The following RCL1 variants were observed in gnomAD, a reference collection of about 807,000 sequenced individuals.
RCL1 encodes RNA 3'-terminal phosphate cyclase-like protein.
A neutral mutation model predicts 42.4 loss-of-function variants in RCL1; 24 were observed. The observed-to-expected ratio is 0.57, with a 90% CI of 0.41 to 0.80. The LOEUF (loss-of-function observed/expected upper bound fraction) is 0.80. Ranked by LOEUF, RCL1 falls within the 30% of genes least tolerant of loss-of-function variation. RCL1 has a pLI of 0.00. For synonymous variants in RCL1, 228 were observed against 177.3 expected (o/e 1.29, Z -2.27); for missense variants, 578 against 467.9 (o/e 1.24, Z -2.17).
chr9:4,853,680 C>G (rs1001496916), intron 8 of RCL1, among the ~76,000 whole-genome samples: 6 of 152,192 alleles, frequency 3.9e-5, no homozygotes, highest in African/African-American at 1.4e-4. Context: ...ACTCCAAGCA[C>G]CTTGCCTGAG....
At chr9:4,833,125 A>G (rs1563846093) in intron 3 of RCL1, 29 bp from the exon 4 acceptor site, 1 of 1,536,272 alleles carries the variant, frequency 6.5e-7, no homozygotes, top group Non-Finnish European at 9.0e-7. Context: ...GGCTTAATTA[A>G]ACTTTTCTTT....
At chr9:4,821,932 G>T (rs1816609548) in intron 1 of RCL1, among the ~76,000 whole-genome samples, 1 of 152,174 alleles carries the variant, frequency 6.6e-6, no homozygotes, top group South Asian at 2.1e-4. Context: ...TGACAACTCA[G>T]TTTCAACATG....
At chr9:4,823,940 C>T (rs1055295757) in intron 2 of RCL1, among the ~76,000 whole-genome samples, 3 of 152,026 alleles carry the variant, frequency 2.0e-5, no homozygotes, top group Non-Finnish European at 4.4e-5. Flanking sequence ...GATGGAAAGA[C>T]CCAGTTACCT....
intron 3 of RCL1, among the ~76,000 whole-genome samples, chr9:4,830,238 C>G (rs915364185): frequency 6.6e-6 from 1 of 152,078 alleles, no homozygotes; most frequent in African/African-American, 2.4e-5. Flanking sequence ...CGAGTAGGAA[C>G]TAGAGCTATT....
intron 1 of RCL1, among the ~76,000 whole-genome samples, chr9:4,809,523 C>T (rs371894227): frequency 6.6e-5 from 10 of 151,878 alleles, no homozygotes; most frequent in Admixed American, 1.3e-4. Flanking sequence ...TTGGCCAGGC[C>T]GGTCTCGATC....
intron 8 of RCL1, among the ~76,000 whole-genome samples, chr9:4,852,648 A>C (rs1027551740): frequency 3.3e-5 from 5 of 152,164 alleles, no homozygotes; most frequent in Non-Finnish European, 5.9e-5. Flanking sequence ...AACGAAGCTT[A>C]GATTAAGTCA....
intron 5 of RCL1, among the ~76,000 whole-genome samples, chr9:4,838,000 A>C (rs931290549): frequency 3.3e-5 from 5 of 152,162 alleles, no homozygotes; most frequent in African/African-American, 9.7e-5. Context: ...TGCCCATTTC[A>C]CAAACACCTC....
intron 5 of RCL1, chr9:4,839,678 T>C (rs1009225263): frequency 8.1e-6 from 8 of 985,418 alleles, no homozygotes; most frequent in Non-Finnish European, 9.6e-6. Flanking sequence ...CCCTCTTTGC[T>C]CTTTCCTCAT....
At chr9:4,846,676 T>A (rs889150000) in intron 7 of RCL1, among the ~76,000 whole-genome samples, 24 of 152,254 alleles carry the variant, frequency 1.6e-4, no homozygotes, top group African/African-American at 5.5e-4. Context: ...TGTAGTGGCC[T>A]TCTCTCTAAC....
intron 6 of RCL1, among the ~76,000 whole-genome samples, chr9:4,842,117 TTTTG>T (rs1194341036): frequency 1.3e-5 from 2 of 152,154 alleles, no homozygotes; most frequent in African/African-American, 2.4e-5. Flanking sequence ...TGTTTGTGGG[TTTTG>T]TTTGTTTTTG....
intron 1 of RCL1, among the ~76,000 whole-genome samples, chr9:4,795,346 G>A (rs766517440): frequency 1.3e-4 from 20 of 152,172 alleles, no homozygotes; most frequent in Non-Finnish European, 1.9e-4. Context: ...GCCTCCCAGA[G>A]TGCTGGGATT....
chr9:4,859,364 T>C (rs977802662), intron 8 of RCL1, among the ~76,000 whole-genome samples: 7 of 152,210 alleles, frequency 4.6e-5, no homozygotes, highest in African/African-American at 1.7e-4. Context: ...TTACATTACA[T>C]AGCACTTTTC....
At chr9:4,800,627 C>G (rs908562779) in intron 1 of RCL1, among the ~76,000 whole-genome samples, 3 of 150,740 alleles carry the variant, frequency 2.0e-5, no homozygotes, top group African/African-American at 7.3e-5. Context: ...TAAGATATTG[C>G]TGCCCTGTTT....
At chr9:4,795,418 T>G (rs1450964250) in intron 1 of RCL1, among the ~76,000 whole-genome samples, 1 of 152,158 alleles carries the variant, frequency 6.6e-6, no homozygotes, top group Non-Finnish European at 1.5e-5. Flanking sequence ...AACAGAGAGA[T>G]AGATATGCAT....
At chr9:4,826,752 T>G (rs1333644657) in intron 2 of RCL1, 106 bp from the exon 3 acceptor site, 1 of 976,774 alleles carries the variant, frequency 1.0e-6, no homozygotes, top group African/African-American at 1.6e-5. Flanking sequence ...CGAGCACTCT[T>G]GGATGCCCTT....
At chr9:4,859,692 T>A (rs56859468) in intron 8 of RCL1, among the ~76,000 whole-genome samples, 1 of 152,150 alleles carries the variant, frequency 6.6e-6, no homozygotes, top group East Asian at 1.9e-4. Context: ...CTAAGCCAGG[T>A]ACATTGGGAC....
Position 4,860,321 on chromosome 9 carries a change from G to A in RCL1, c.*46G>A. ...CCCAATGCCTACAGACAAAGCAGAAGCTGCCACGGACACCAATGGGACCAA... is the reference window on the plus strand; with the variant it reads ...CCCAATGCCTACAGACAAAGCAGAAACTGCCACGGACACCAATGGGACCAA... On this transcript the variant is annotated 3_prime_UTR_variant, in exon 9 of 9. Transcript: ENST00000381750. 1.9e-6 allele frequency: 3 copies of A among 1,591,656 alleles called. No homozygotes were observed. Among genetic ancestry groups the A allele is most frequent in the African/African-American group, 1.4e-5 (1 of 73,892 alleles).
At chr9:4,801,943 G>T (rs868407077) in intron 1 of RCL1, among the ~76,000 whole-genome samples, 12 of 151,462 alleles carry the variant, frequency 7.9e-5, no homozygotes, top group Admixed American at 7.2e-4. Flanking sequence ...ACGGAATCTC[G>T]CTCTGTTGCC....
At chr9:4,795,781 A>G (rs1014376945) in intron 1 of RCL1, among the ~76,000 whole-genome samples, 2 of 152,198 alleles carry the variant, frequency 1.3e-5, no homozygotes, top group African/African-American at 4.8e-5. Context: ...GGCCTCAGGA[A>G]CATTTATTTA....
Sources: gnomAD v4.1 joint callset for allele counts (sites outside exome capture counted in the v4.1 genomes callset) on GRCh38, gnomAD v4.1.1 for gene constraint, MANE v1.5 for transcripts, NCBI Gene and HGNC (gene_info 2026-07-23, HGNC 2026-07-21) for gene names.